The following ESR1 variants were observed in gnomAD, a reference collection of about 807,000 sequenced individuals.
ESR1 encodes the protein estrogen receptor 1.
In ESR1, 12 loss-of-function variants were observed where a neutral mutation model predicts 52.7. That is an observed-to-expected ratio of 0.23 (90% CI 0.15 to 0.37). The LOEUF is 0.37. ESR1 is among the 10% of genes least tolerant of loss of function. The pLI is 1.00. For synonymous variants in ESR1, 305 were observed against 316.8 expected, an observed-to-expected ratio of 0.96 and a Z score of 0.39; for missense variants, 584 against 779.7, an observed-to-expected ratio of 0.75 and a Z score of 2.99.
chr6:151,912,704 ATTC>A (rs1421951354), intron 3 of ESR1, among the ~76,000 whole-genome samples: 2 of 152,188 alleles, frequency 1.3e-5, no homozygotes, highest in Non-Finnish European at 2.9e-5. Flanking sequence ...CGACCTTAAT[ATTC>A]TTTACACTTA....
At chr6:151,897,440 C>T (rs1795715282) in intron 3 of ESR1, among the ~76,000 whole-genome samples, 1 of 152,060 alleles carries the variant, frequency 6.6e-6, no homozygotes, top group Admixed American at 6.5e-5. Flanking sequence ...TAATGCTCTT[C>T]TTTGTCTTTT....
intron 4 of ESR1, among the ~76,000 whole-genome samples, chr6:151,999,230 G>A (rs1477362883): frequency 6.6e-6 from 1 of 151,998 alleles, no homozygotes; most frequent in Non-Finnish European, 1.5e-5. Flanking sequence ...TAAATAAAAT[G>A]ATTTTGATTT....
At chr6:151,888,495 C>T (rs2128357036) in intron 3 of ESR1, among the ~76,000 whole-genome samples, 1 of 152,074 alleles carries the variant, frequency 6.6e-6, no homozygotes, top group Admixed American at 6.5e-5. Flanking sequence ...AGAAACACTA[C>T]TGATTTCTGT....
intron 3 of ESR1, among the ~76,000 whole-genome samples, chr6:151,917,231 G>A (rs1443116784): frequency 6.6e-6 from 1 of 152,202 alleles, no homozygotes; most frequent in African/African-American, 2.4e-5. Flanking sequence ...TGCAGTTCCT[G>A]AGTTGCAAAA....
At chr6:151,689,936 C>T (rs1205817886), upstream of ESR1, among the ~76,000 whole-genome samples, 2 of 152,242 alleles carry the variant, frequency 1.3e-5, no homozygotes, top group African/African-American at 4.8e-5. Context: ...AATCAATAAC[C>T]TCATAAACTT....
downstream of ESR1, among the ~76,000 whole-genome samples, chr6:152,107,826 A>G (rs889179466): frequency 1.4e-4 from 22 of 152,172 alleles, no homozygotes; most frequent in African/African-American, 5.1e-4. Flanking sequence ...CTCTACTAGT[A>G]TTTGGCTTCT....
intron 2 of ESR1, among the ~76,000 whole-genome samples, chr6:151,775,928 A>C (rs1583231124): frequency 6.6e-6 from 1 of 152,198 alleles, no homozygotes; most frequent in Admixed American, 6.5e-5. Flanking sequence ...TTTAACCAGA[A>C]GAGGTGCTGA....
At chr6:151,774,356 T>C (rs1355949696) in intron 2 of ESR1, among the ~76,000 whole-genome samples, 1 of 152,258 alleles carries the variant, frequency 6.6e-6, no homozygotes, top group Non-Finnish European at 1.5e-5. Flanking sequence ...TGATAATGAA[T>C]AACTTTGACA....
At chr6:151,899,070 T>G (rs1304537211) in intron 3 of ESR1, among the ~76,000 whole-genome samples, 4 of 76,610 alleles carry the variant, frequency 5.2e-5, no homozygotes, top group East Asian at 8.9e-4. Context: ...GCTGGCCGGG[T>G]GGGGGGCTGA....
At chr6:151,896,322 T>G (rs1465748828) in intron 3 of ESR1, among the ~76,000 whole-genome samples, 11 of 152,238 alleles carry the variant, frequency 7.2e-5, no homozygotes. Flanking sequence ...CTGGACTTTT[T>G]GTGTTGTTGG....
intron 2 of ESR1, among the ~76,000 whole-genome samples, chr6:151,725,332 G>T (rs1021992590): frequency 2.0e-5 from 3 of 152,186 alleles, no homozygotes; most frequent in African/African-American, 7.2e-5. Flanking sequence ...GGGGCAGGGG[G>T]TGGTTGTAAA....
intron 2 of ESR1, 69 bp from the exon 3 acceptor site, chr6:151,880,586 T>C (rs1452346086): frequency 5.3e-6 from 5 of 947,266 alleles, no homozygotes; most frequent in Non-Finnish European, 8.7e-6. Flanking sequence ...CTCCAAAAGG[T>C]TTCCCTGTAG....
chr6:151,835,953 G>C (rs1238760390), intron 1 of ESR1, among the ~76,000 whole-genome samples: 1 of 152,170 alleles, frequency 6.6e-6, no homozygotes, highest in African/African-American at 2.4e-5. Context: ...AGTGGTCACA[G>C]ATACATGAAA....
At chr6:151,899,130 C>T (rs1796093281) in intron 3 of ESR1, among the ~76,000 whole-genome samples, 1 of 134,340 alleles carries the variant, frequency 7.4e-6, no homozygotes, top group African/African-American at 2.9e-5. Context: ...GGGGGGCTGA[C>T]CCCCCCGCCT....
chr6:152,052,354 A>G (rs1432424319), intron 5 of ESR1, among the ~76,000 whole-genome samples: 1 of 152,198 alleles, frequency 6.6e-6, no homozygotes, highest in Non-Finnish European at 1.5e-5. Flanking sequence ...TCAGTGCTCA[A>G]TAAGCTCGCT....
intron 3 of ESR1, among the ~76,000 whole-genome samples, chr6:151,897,890 T>C (rs999412874): frequency 6.6e-6 from 1 of 152,200 alleles, no homozygotes; most frequent in African/African-American, 2.4e-5. Context: ...GCTGGCTTGG[T>C]AGTGGCGAAT....
In ESR1 at chr6:152,100,785, A is replaced by AT; in HGVS notation, c.*1819_*1820insT. 1 of 230,450 alleles carries AT rather than the reference A, an allele frequency of 4.3e-6. No individual in the cohort carries two copies. The highest frequency in any genetic ancestry group is 8.6e-6 in the Non-Finnish European group (1 of 116,272). The allele number at this position is 230,450 out of a possible 1,614,324, so 14.3% of individuals were successfully genotyped here. On this transcript the variant is annotated 3_prime_UTR_variant, in exon 8 of 8. Transcript: ENST00000206249. ...AATCTGGGAGGGCAAAAAAAAAAAA[A>AT]AAGTTTTTATGTGCACTTAAATTTG...
rs139561290 is a variant in ESR1, at chr6:152,103,111, A to G, written c.*4145A>G. The stretch of plus-strand genomic sequence containing the variant: ...GATTAATATGCCCTTTTGCCGATGC[A>G]TACTATTACTGATGTGACTCGGTTT... On this transcript the variant is annotated 3_prime_UTR_variant, in exon 8 of 8. Transcript: ENST00000206249. 2.3e-5 allele frequency: 5 copies of G among 216,934 alleles called. No homozygotes were observed. Among genetic ancestry groups the G allele is most frequent in the African/African-American group, 6.7e-5 (3 of 44,512 alleles). 13.4% of individuals were successfully genotyped at this position (216,934 alleles called of 1,614,324 possible).
intron 2 of ESR1, among the ~76,000 whole-genome samples, chr6:151,774,752 G>A (rs1420023614): frequency 6.6e-6 from 1 of 152,092 alleles, no homozygotes; most frequent in Non-Finnish European, 1.5e-5. Context: ...GATCTTTATT[G>A]GTATATCAAC....
Sources: gnomAD v4.1 joint callset for allele counts (sites outside exome capture counted in the v4.1 genomes callset) on GRCh38, gnomAD v4.1.1 for gene constraint, MANE v1.5 for transcripts, NCBI Gene and HGNC (gene_info 2026-07-23, HGNC 2026-07-21) for gene names.